CTNND2: variants seen among roughly 807,000 people sequenced by gnomAD.
CTNND2 encodes catenin delta-2.
In CTNND2, 22 loss-of-function variants were observed where a neutral mutation model predicts 144.4. That is an observed-to-expected ratio of 0.15 (90% confidence interval 0.11 to 0.22). CTNND2 has a LOEUF of 0.22. Among genes scored for constraint, CTNND2 ranks in the 10% least tolerant of loss-of-function variants. The pLI is 1.00. For synonymous variants in CTNND2, 751 were observed against 695.6 expected (o/e 1.08, Z -1.25); for missense variants, 1,353 against 1,618.8 (o/e 0.84, Z 2.82).
intron 3 of CTNND2, among the ~76,000 whole-genome samples, chr5:11,480,644 A>G (rs891381386): frequency 2.3e-4 from 32 of 138,136 alleles, no homozygotes; most frequent in African/African-American, 4.1e-4. Flanking sequence ...GAAAATACAT[A>G]TATGTGTGTG....
intron 1 of CTNND2, among the ~76,000 whole-genome samples, chr5:11,790,583 C>T (rs995835159): frequency 6.6e-6 from 1 of 152,128 alleles, no homozygotes; most frequent in African/African-American, 2.4e-5. Context: ...TAATGATGTG[C>T]TGATTTTTCT....
At chr5:11,365,569 C>T (rs1011688313) in intron 7 of CTNND2, among the ~76,000 whole-genome samples, 3 of 152,206 alleles carry the variant, frequency 2.0e-5, no homozygotes, top group African/African-American at 7.2e-5. Flanking sequence ...TGCGGCTACA[C>T]ACCACTTTGC....
chr5:11,571,683 C>A (rs142629319), intron 2 of CTNND2, among the ~76,000 whole-genome samples: 33 of 152,102 alleles, frequency 2.2e-4, no homozygotes, highest in Non-Finnish European at 3.7e-4. Flanking sequence ...CCCGCACCTT[C>A]GAGAGATTTT....
intron 9 of CTNND2, among the ~76,000 whole-genome samples, chr5:11,288,416 T>G (rs1747972731): frequency 6.6e-6 from 1 of 152,180 alleles, no homozygotes; most frequent in Admixed American, 6.5e-5. Flanking sequence ...AAATTCTAAT[T>G]GAATTACTTG....
chr5:11,031,449 C>T (rs1425175550), intron 16 of CTNND2, among the ~76,000 whole-genome samples: 1 of 152,176 alleles, frequency 6.6e-6, no homozygotes, highest in Non-Finnish European at 1.5e-5. Flanking sequence ...ACCAAATATA[C>T]TGTACTTTAC....
chr5:11,903,673 C>G lies in CTNND2; in HGVS notation c.37+144G>C. ...GGACCTGGCGCGATCGCGGTCCTCC[C>G]CGAGGCAGGCAGAAACCCCGCAGCA... On this transcript the variant is annotated intron_variant, in intron 1 of 21. Coordinates refer to ENST00000304623, the MANE Select transcript of CTNND2 (RefSeq NM_001332.4). The surrounding 1 kb of genome is among the most constrained non-coding windows in gnomAD (Gnocchi z 5.4). The G allele has an allele frequency of 1.1e-6, 1 of 898,792 alleles. No homozygotes were observed. Among genetic ancestry groups the G allele is most frequent in the Non-Finnish European group, 1.5e-6 (1 of 648,946 alleles). The allele number at this position is 898,792 out of a possible 1,614,324, so 55.7% of individuals were successfully genotyped here. A position where few individuals can be genotyped will look rare whatever the true frequency, so the allele number is the denominator to read the frequency against.
chr5:11,563,265 A>G (rs1349133708), intron 3 of CTNND2, among the ~76,000 whole-genome samples: 1 of 152,238 alleles, frequency 6.6e-6, no homozygotes, highest in African/African-American at 2.4e-5. Context: ...ATGAACTGAA[A>G]AGGTAAACAG....
intron 21 of CTNND2, among the ~76,000 whole-genome samples, chr5:10,974,762 C>T (rs1441736224): frequency 6.6e-6 from 1 of 152,180 alleles, no homozygotes; most frequent in Non-Finnish European, 1.5e-5. Flanking sequence ...AACTAAAGTT[C>T]AGCACGGAAA....
chr5:10,975,757 T>C (rs1281996018), intron 21 of CTNND2, among the ~76,000 whole-genome samples: 3 of 152,192 alleles, frequency 2.0e-5, no homozygotes, highest in Non-Finnish European at 4.4e-5. Context: ...TTATGGATTT[T>C]TGGGGGCCAG....
chr5:11,592,130 TC>T, intron 2 of CTNND2, among the ~76,000 whole-genome samples: 2 of 109,834 alleles, frequency 1.8e-5, no homozygotes, highest in Non-Finnish European at 3.7e-5. Context: ...CTTCCTTCTT[TC>T]CTGCCTTCCT....
At chr5:11,083,540 A>G (rs558266762) in intron 15 of CTNND2, among the ~76,000 whole-genome samples, 4 of 152,356 alleles carry the variant, frequency 2.6e-5, no homozygotes, top group African/African-American at 9.6e-5. Flanking sequence ...AATGGAACAC[A>G]GGTAATGCGT....
chr5:11,311,467 C>T (rs1486976852), intron 9 of CTNND2, among the ~76,000 whole-genome samples: 1 of 150,526 alleles, frequency 6.6e-6, no homozygotes, highest in Non-Finnish European at 1.5e-5. Context: ...CCCCATACAC[C>T]CTCAACCCAC....
chr5:11,733,769 A>C (rs1787527726), intron 1 of CTNND2, among the ~76,000 whole-genome samples: 1 of 152,200 alleles, frequency 6.6e-6, no homozygotes, highest in Non-Finnish European at 1.5e-5. Context: ...AAGAAAGCAG[A>C]AACTCAAATA....
intron 9 of CTNND2, among the ~76,000 whole-genome samples, chr5:11,254,725 T>C (rs767868057): frequency 1.3e-4 from 20 of 152,214 alleles, no homozygotes; most frequent in Non-Finnish European, 1.6e-4. Context: ...AAAATACTTT[T>C]CTGAGCTAGG....
intron 16 of CTNND2, among the ~76,000 whole-genome samples, chr5:11,058,679 G>T (rs1336581951): frequency 2.0e-5 from 3 of 152,200 alleles, no homozygotes; most frequent in Non-Finnish European, 4.4e-5. Context: ...CCAGACACCA[G>T]AATGGTAGAT....
chr5:11,378,540 T>C (rs1335740066), intron 7 of CTNND2, among the ~76,000 whole-genome samples: 1 of 152,228 alleles, frequency 6.6e-6, no homozygotes, highest in African/African-American at 2.4e-5. Flanking sequence ...TGGGAAAATC[T>C]AAATATCTAG....
At chr5:11,476,393 A>G (rs1225187565) in intron 3 of CTNND2, among the ~76,000 whole-genome samples, 1 of 152,196 alleles carries the variant, frequency 6.6e-6, no homozygotes, top group African/African-American at 2.4e-5. Flanking sequence ...CTTCTCAGTA[A>G]CAATGCAAGA....
At chr5:11,763,798 C>T (rs7710966) in intron 1 of CTNND2, among the ~76,000 whole-genome samples, 1 of 151,988 alleles carries the variant, frequency 6.6e-6, no homozygotes, top group Non-Finnish European at 1.5e-5. Context: ...TGATCAGTAG[C>T]TGGTTTCCCT....
At chr5:11,625,868 C>T (rs1283485228) in intron 2 of CTNND2, among the ~76,000 whole-genome samples, 3 of 152,120 alleles carry the variant, frequency 2.0e-5, no homozygotes, top group Admixed American at 1.3e-4. Context: ...GTCAGTATTA[C>T]AATTTGTAAA....
Sources: allele counts gnomAD v4.1 joint callset (sites outside exome capture counted in the v4.1 genomes callset), GRCh38; gene constraint gnomAD v4.1.1; non-coding constraint Gnocchi (gnomAD v3.1); transcripts MANE v1.5; gene names NCBI Gene and HGNC (gene_info 2026-07-23, HGNC 2026-07-21).